ZNF462: variants seen among roughly 807,000 people sequenced by gnomAD.
ZNF462 encodes zinc finger protein 462, also known as zinc finger PBX1-interacting protein.
ZNF462 carries 10 observed loss-of-function variants against 201.9 expected under a neutral mutation model. The observed-to-expected ratio is 0.05, with a 90% confidence interval of 0.03 to 0.08. ZNF462 has a LOEUF of 0.08. Ranked by LOEUF, ZNF462 falls within the 10% of genes least tolerant of loss-of-function variation. The probability of loss-of-function intolerance (pLI) is 1.00; values close to 1 mark genes in which losing one functional copy is unlikely to be tolerated. For missense variants in ZNF462, 2,523 were observed against 3,168.3 expected, an observed-to-expected ratio of 0.80 and a Z score of 4.89; for synonymous variants, 1,227 against 1,193.3, an observed-to-expected ratio of 1.03 and a Z score of -0.58.
chr9:106,925,420 A>G lies in ZNF462; in HGVS notation c.1508A>G (p.Asn503Ser), dbSNP rs1279284621. ...TGTTSDWDAVNSQSESISSSL... is the reference protein window; with the variant it reads ...TGTTSDWDAVSSQSESISSSL... ...ACAACGTCAGATTGGGATGCTGTGA[A>G]TTCCCAGAGTGAAAGCATTTCTTCC... The change falls in exon 3 of 13, where the codon AAT becomes AGT. Residue 503 changes from asparagine to serine, a missense_variant. Asn to Ser is a conservative substitution (Grantham distance 46). Transcript: ENST00000277225. The surrounding 1 kb of genome is among the most constrained non-coding windows in gnomAD (Gnocchi z 7.9). 6.2e-7 allele frequency: 1 copy of G among 1,614,216 alleles called. No homozygotes were observed. Among genetic ancestry groups the G allele is most frequent in the Admixed American group, 1.7e-5 (1 of 60,022 alleles).
In ZNF462 at chr9:106,880,278, A is replaced by G. The variant is rs1828033692; in HGVS notation, c.-31+16923A>G. Among the ~76,000 whole-genome samples, 1 of 152,222 alleles carries G rather than the reference A, an allele frequency of 6.6e-6. No individual in the cohort carries two copies. The highest frequency in any genetic ancestry group is 1.5e-5 in the Non-Finnish European group (1 of 68,038). On this transcript the variant is annotated intron_variant, in intron 1 of 12. Transcript: ENST00000277225. This position sits in a 1 kb window ranked among gnomAD's most constrained non-coding sequence, Gnocchi z 4.1. ...GCTGAAATCTTCTCTGCATCAGCTCATGATTCTGTCTGGGCCTGTGCAGTC... is the reference window on the plus strand; with the variant it reads ...GCTGAAATCTTCTCTGCATCAGCTCGTGATTCTGTCTGGGCCTGTGCAGTC...
rs905071 is a variant in ZNF462 at position 106,981,146 on chromosome 9, G to T, written c.6833-3040G>T. ...TCAGTAAAAACTCACATAATTAAGA[G>T]ATTTGGTAGACTGGCATTGTCTTAG... On this transcript the variant is annotated intron_variant, in intron 9 of 12. Coordinates refer to ENST00000277225, the MANE Select transcript of ZNF462 (RefSeq NM_021224.6). This position sits in a 1 kb window ranked among gnomAD's most constrained non-coding sequence, Gnocchi z 4.0. 0.13 allele frequency among the ~76,000 whole-genome samples: 20,362 copies of T among 152,114 alleles called. 1,472 individuals are homozygous for T. Among genetic ancestry groups the T allele is most frequent in the African/African-American group, 0.17 (6,980 of 41,460 alleles).
rs1829094141 is a variant in ZNF462 at position 106,902,236 on chromosome 9, A to G, written c.-30-21118A>G. Among the ~76,000 whole-genome samples the G allele has an allele frequency of 6.6e-6, 1 of 152,140 alleles. No individual in the cohort carries two copies. The highest frequency in any genetic ancestry group is 1.5e-5 in the Non-Finnish European group (1 of 68,024). On this transcript the variant is annotated intron_variant, in intron 1 of 12. Transcript: ENST00000277225. This position sits in a 1 kb window ranked among gnomAD's most constrained non-coding sequence, Gnocchi z 4.2. ...GTGTATCACATTTATTGACTCATGT[A>G]TGTTAAACCATCCCTGCATCCCTGG... is the stretch of plus-strand genomic sequence containing the variant.
Position 106,962,031 on chromosome 9 carries a change from G to A in ZNF462, c.6428-9974G>A, listed in dbSNP as rs117598840. Among the ~76,000 whole-genome samples the A allele has an allele frequency of 1.3e-5, 2 of 152,136 alleles. No homozygotes were observed. The highest frequency in any genetic ancestry group is 3.9e-4 in the East Asian group (2 of 5,156). The stretch of plus-strand genomic sequence containing the variant: ...TGAGGATCGGCCTGGAAAGATGAAG[G>A]AGAGTGTGAGCCCCATGGTTCAGAG... On this transcript the variant is annotated intron_variant, in intron 7 of 12. Transcript: ENST00000277225. This position sits in a 1 kb window ranked among gnomAD's most constrained non-coding sequence, Gnocchi z 4.6.
chr9:106,928,727 T>G lies in ZNF462; in HGVS notation c.4815T>G (p.Phe1605Leu), dbSNP rs140483394. 3.1e-6 allele frequency: 5 copies of G among 1,613,998 alleles called. No individual in the cohort carries two copies. In the African/African-American group the frequency reaches 6.7e-5, roughly 22 times the overall value. The change falls in exon 3 of 13, where the codon TTT becomes TTG. Residue 1605 changes from phenylalanine to leucine, a missense_variant. Physicochemically the swap from Phe to Leu is conservative, Grantham distance 22. This residue lies in a region of ZNF462 where 200 missense variants were observed against 281.3 expected (regional missense o/e 0.71). Coordinates refer to ENST00000277225, the MANE Select transcript of ZNF462 (RefSeq NM_021224.6). The surrounding 1 kb of genome is among the most constrained non-coding windows in gnomAD (Gnocchi z 9.3). ...HYEKYHNQPE[F>L]DVFSQSPPKL... Reference sequence around the variant, plus strand: ...AGAAGTATCACAATCAGCCTGAATTTGATGTCTTTTCCCAGTCGCCCCCGA... The same window carrying G: ...AGAAGTATCACAATCAGCCTGAATTGGATGTCTTTTCCCAGTCGCCCCCGA...
At chr9:107,002,078 G>T (rs1829227729) in intron 10 of ZNF462, among the ~76,000 whole-genome samples, 1 of 152,108 alleles carries the variant, frequency 6.6e-6, no homozygotes, top group Non-Finnish European at 1.5e-5. Context: ...GGAATTGGTG[G>T]CATTCAGCAA....
Position 106,932,112 on chromosome 9 carries a change from C to T in ZNF462, c.6013-334C>T. 8.0e-7 allele frequency: 1 copy of T among 1,254,370 alleles called. No individual in the cohort carries two copies. Among genetic ancestry groups the T allele is most frequent in the Non-Finnish European group, 1.1e-6 (1 of 924,490 alleles). The allele number at this position is 1,254,370 out of a possible 1,614,324, so 77.7% of individuals were successfully genotyped here. A position where few individuals can be genotyped will look rare whatever the true frequency, so the allele number is the denominator to read the frequency against. ...AGAATGGCAGTTGGGCTTGCTCTCC[C>T]TCTAGGGGTAGCTGGAGAGGCAGGG... On this transcript the variant is annotated intron_variant, in intron 4 of 12. Coordinates refer to ENST00000277225, the MANE Select transcript of ZNF462 (RefSeq NM_021224.6). The surrounding 1 kb of genome is among the most constrained non-coding windows in gnomAD (Gnocchi z 6.8).
intron 7 of ZNF462, among the ~76,000 whole-genome samples, chr9:106,949,795 C>G (rs1043246679): frequency 6.6e-6 from 1 of 152,204 alleles, no homozygotes; most frequent in Admixed American, 6.5e-5. Context: ...TCTTCATGCT[C>G]TGGAATTACA....
intron 1 of ZNF462, among the ~76,000 whole-genome samples, chr9:106,911,050 C>G (rs927820111): frequency 1.3e-5 from 2 of 152,170 alleles, no homozygotes; most frequent in Admixed American, 6.5e-5. Context: ...CTTTGTGGAT[C>G]CATGTCCTGC....
chr9:107,002,838 C>A (rs899101611), intron 10 of ZNF462, among the ~76,000 whole-genome samples: 2 of 152,160 alleles, frequency 1.3e-5, no homozygotes, highest in Admixed American at 6.5e-5. Context: ...TTGATGGGAT[C>A]GTGGCAAAGA....
chr9:106,882,163 G>A (rs1258935313), intron 1 of ZNF462, among the ~76,000 whole-genome samples: 1 of 152,068 alleles, frequency 6.6e-6, no homozygotes. Flanking sequence ...AACTTTGAAG[G>A]CCAACCACTG....
upstream of ZNF462, among the ~76,000 whole-genome samples, chr9:106,861,399 A>C (rs1827062965): frequency 1.3e-5 from 2 of 152,168 alleles, no homozygotes; most frequent in African/African-American, 4.8e-5. Flanking sequence ...AGAAAGGGCG[A>C]GTATTTAAAG....
At chr9:106,897,438 C>T (rs1431621475) in intron 1 of ZNF462, among the ~76,000 whole-genome samples, 1 of 152,030 alleles carries the variant, frequency 6.6e-6, no homozygotes, top group Non-Finnish European at 1.5e-5. Context: ...CTTTTGCCAT[C>T]AGTGACCTCA....
At chr9:106,944,844 T>C (rs922293919) in intron 7 of ZNF462, among the ~76,000 whole-genome samples, 1 of 152,308 alleles carries the variant, frequency 6.6e-6, no homozygotes, top group Non-Finnish European at 1.5e-5. Flanking sequence ...AATTTTTTTC[T>C]ATAAAAAGGG....
Position 106,939,047 on chromosome 9 carries a change from T to C in ZNF462, c.6367T>C (p.Ser2123Pro). ...PRPRIVSLLS[S>P]HSHHSSQKAT... ...GCCACGGATCGTCAGTCTCCTCTCC[T>C]CACACTCCCACCACTCCTCCCAAAA... is the stretch of plus-strand genomic sequence containing the variant. The change falls in exon 7 of 13, where the codon TCA becomes CCA. Residue 2123 changes from serine (S) to proline (P), a missense_variant. Transcript: ENST00000277225. 6.2e-7 allele frequency: 1 copy of C among 1,613,748 alleles called. No homozygotes were observed. Among genetic ancestry groups the C allele is most frequent in the Non-Finnish European group, 8.5e-7 (1 of 1,179,880 alleles).
At position 106,908,112 on chromosome 9, in the gene ZNF462, C is replaced by T. The variant is rs185129200; in HGVS notation, c.-30-15242C>T. ...TATCTCTTAATTGTGGCATTAAAGA[C>T]TTCTATAAACCTCCACGGGCACTTG... On this transcript the variant is annotated intron_variant, in intron 1 of 12. Coordinates refer to ENST00000277225, the MANE Select transcript of ZNF462 (RefSeq NM_021224.6). Among the ~76,000 whole-genome samples the T allele has an allele frequency of 2.0e-5, 3 of 152,092 alleles. No homozygotes were observed. In the East Asian group the frequency reaches 5.8e-4, roughly 29 times the overall value.
chr9:106,952,478 A>G (rs1318361055), intron 7 of ZNF462, among the ~76,000 whole-genome samples: 2 of 152,208 alleles, frequency 1.3e-5, no homozygotes, highest in African/African-American at 2.4e-5. Flanking sequence ...AAGCTGAATG[A>G]AGTTTCCTTA....
In ZNF462 at chr9:106,932,414, G is replaced by T; in HGVS notation, c.6013-32G>T. ...ACCCGGCCGGGGGGATACCATTGCA[G>T]TCAATGTGACAGAGTCCTGATGTCC... is the stretch of plus-strand genomic sequence containing the variant. On this transcript the variant is annotated intron_variant, in intron 4 of 12. Transcript: ENST00000277225. This position sits in a 1 kb window ranked among gnomAD's most constrained non-coding sequence, Gnocchi z 6.8. The T allele has an allele frequency of 6.2e-7, 1 of 1,614,206 alleles. No individual in the cohort carries two copies. The highest frequency in any genetic ancestry group is 1.1e-5 in the South Asian group (1 of 91,068).
chr9:106,989,216 A>G (rs1297749061), intron 10 of ZNF462, among the ~76,000 whole-genome samples: 2 of 152,070 alleles, frequency 1.3e-5, no homozygotes, highest in Admixed American at 6.6e-5. Context: ...TGTCCTTTGT[A>G]TGCCAATTTT....
Sources: gnomAD v4.1 joint callset for allele counts (sites outside exome capture counted in the v4.1 genomes callset) on GRCh38, gnomAD v4.1.1 for gene constraint, gnomAD v4.1.1 regional missense constraint, Gnocchi (gnomAD v3.1) non-coding constraint, MANE v1.5 for transcripts, NCBI Gene and HGNC (gene_info 2026-07-23, HGNC 2026-07-21) for gene names.